Variants in NRG1 observed in about 807,000 individuals in gnomAD.
NRG1 encodes the protein neuregulin 1.
In NRG1, 18 loss-of-function variants were observed where a neutral mutation model predicts 63.8. The ratio of observed to expected loss-of-function variants is 0.28; its 90% CI spans 0.19 to 0.42. The LOEUF is 0.42. NRG1 is among the 10% of genes least tolerant of loss of function. The probability of loss-of-function intolerance (pLI) is 1.00; values close to 1 mark genes in which losing one functional copy is unlikely to be tolerated. For missense variants in NRG1, 762 were observed against 814.7 expected, an observed-to-expected ratio of 0.94 and a Z score of 0.79; for synonymous variants, 302 against 301.3, an observed-to-expected ratio of 1.00 and a Z score of -0.02.
chr8:31,979,416 C>A (rs979862416), intron 1 of NRG1, among the ~76,000 whole-genome samples: 9 of 152,092 alleles, frequency 5.9e-5, no homozygotes, highest in African/African-American at 2.2e-4. Flanking sequence ...CTGTTCTATT[C>A]ATCAGAAATG....
intron 1 of NRG1, chr8:32,442,821 G>A (rs1481895245): frequency 6.6e-6 from 1 of 152,132 alleles, no homozygotes; most frequent in South Asian, 2.1e-4. Context: ...ATCAAGGTAG[G>A]TGGTGGATTC....
chr8:32,620,900 A>T (rs1309997732), intron 5 of NRG1, among the ~76,000 whole-genome samples: 3 of 152,062 alleles, frequency 2.0e-5, no homozygotes, highest in South Asian at 2.1e-4. Flanking sequence ...TCACTCACCT[A>T]CCCTTCTACC....
At chr8:31,842,895 T>A (rs550619623) in intron 1 of NRG1, among the ~76,000 whole-genome samples, 1 of 152,324 alleles carries the variant, frequency 6.6e-6, no homozygotes, top group East Asian at 1.9e-4. Context: ...GACCAGCAGC[T>A]GTCTTAATTG....
At chr8:32,096,493 C>T (rs1173069213) in intron 1 of NRG1, among the ~76,000 whole-genome samples, 1 of 152,062 alleles carries the variant, frequency 6.6e-6, no homozygotes, top group Admixed American at 6.6e-5. Flanking sequence ...AATTATATGT[C>T]TTAGGCTGTT....
chr8:32,552,209 G>A (rs1002404127), intron 1 of NRG1, among the ~76,000 whole-genome samples: 16 of 106,878 alleles, frequency 1.5e-4, no homozygotes, highest in African/African-American at 4.7e-4. Context: ...GCGCTTGGCC[G>A]CTTTTTTTTT....
At chr8:32,760,565 T>TAA in intron 11 of NRG1, 159 bp downstream of exon 11, 9 of 1,435,898 alleles carry the variant, frequency 6.3e-6, no homozygotes, top group Admixed American at 5.6e-5. Context: ...ATCTCTTTGT[T>TAA]TGACGGAACT....
chr8:31,967,443 G>A (rs1375535845), intron 1 of NRG1, among the ~76,000 whole-genome samples: 2 of 152,160 alleles, frequency 1.3e-5, no homozygotes, highest in African/African-American at 4.8e-5. Context: ...CTCAGACAGT[G>A]GAGTCAGAAG....
chr8:31,952,513 C>T (rs1403189134), intron 1 of NRG1, among the ~76,000 whole-genome samples: 5 of 152,172 alleles, frequency 3.3e-5, no homozygotes, highest in African/African-American at 9.7e-5. Context: ...GTACCACCTG[C>T]CTTAGGGACT....
At chr8:31,740,129 A>G (rs913193120) in intron 1 of NRG1, among the ~76,000 whole-genome samples, 1 of 151,962 alleles carries the variant, frequency 6.6e-6, no homozygotes, top group Non-Finnish European at 1.5e-5. Flanking sequence ...TCTTCTCTCT[A>G]TTCTTTTTTT....
intron 1 of NRG1, among the ~76,000 whole-genome samples, chr8:32,031,921 T>C (rs932752849): frequency 2.0e-5 from 3 of 152,180 alleles, no homozygotes; most frequent in South Asian, 2.1e-4. Flanking sequence ...GCAGTGAACA[T>C]ACACGTGCAT....
At chr8:32,312,508 C>T (rs1856937118) in intron 1 of NRG1, among the ~76,000 whole-genome samples, 1 of 151,746 alleles carries the variant, frequency 6.6e-6, no homozygotes, top group Non-Finnish European at 1.5e-5. Flanking sequence ...CAAACAGTCC[C>T]TCTGCAAGTT....
chr8:31,794,654 A>G (rs1388920382), intron 1 of NRG1, among the ~76,000 whole-genome samples: 2 of 151,944 alleles, frequency 1.3e-5, no homozygotes, highest in East Asian at 3.9e-4. Flanking sequence ...ATTTAGAGTT[A>G]TTGTTACTTT....
intron 1 of NRG1, among the ~76,000 whole-genome samples, chr8:32,027,533 T>C (rs1220167890): frequency 6.7e-6 from 1 of 150,028 alleles, no homozygotes; most frequent in Non-Finnish European, 1.5e-5. Context: ...CTTTTCTTTT[T>C]GCTCATGCTT....
At chr8:32,648,564 C>G (rs1239646049) in intron 5 of NRG1, among the ~76,000 whole-genome samples, 1 of 152,148 alleles carries the variant, frequency 6.6e-6, no homozygotes, top group Non-Finnish European at 1.5e-5. Context: ...CTTGCAAACT[C>G]CGGATCTGAA....
chr8:31,800,868 T>C (rs1191103761), intron 1 of NRG1, among the ~76,000 whole-genome samples: 3 of 123,574 alleles, frequency 2.4e-5, no homozygotes, highest in Admixed American at 9.9e-5. Context: ...TGAGATGGAG[T>C]CTCGCTCCAT....
chr8:31,978,752 T>C (rs1342808011), intron 1 of NRG1, among the ~76,000 whole-genome samples: 1 of 152,132 alleles, frequency 6.6e-6, no homozygotes, highest in Non-Finnish European at 1.5e-5. Flanking sequence ...AGATGTTACC[T>C]GAGACAACCA....
chr8:32,222,656 C>G (rs1425268884), intron 1 of NRG1, among the ~76,000 whole-genome samples: 1 of 152,106 alleles, frequency 6.6e-6, no homozygotes, highest in Non-Finnish European at 1.5e-5. Flanking sequence ...AGCTACGGAA[C>G]CTTGATTTCC....
intron 5 of NRG1, among the ~76,000 whole-genome samples, chr8:32,624,727 A>T (rs192817813): frequency 4.5e-4 from 69 of 152,316 alleles, no homozygotes; most frequent in Admixed American, 4.1e-3. Context: ...TTTGAAAGAA[A>T]GTAGAAAAAC....
At chr8:32,391,727 C>T (rs1392004492) in intron 1 of NRG1, among the ~76,000 whole-genome samples, 1 of 152,084 alleles carries the variant, frequency 6.6e-6, no homozygotes, top group East Asian at 1.9e-4. Context: ...GTATTCCATG[C>T]TGTATATGTA....
Sources: allele counts gnomAD v4.1 joint callset (sites outside exome capture counted in the v4.1 genomes callset), GRCh38; gene constraint gnomAD v4.1.1; transcripts MANE v1.5; gene names NCBI Gene and HGNC (gene_info 2026-07-23, HGNC 2026-07-21).